The following GALNTL6 variants were observed in gnomAD, a reference collection of about 807,000 sequenced individuals.
The protein encoded by GALNTL6 is polypeptide N-acetylgalactosaminyltransferase-like 6.
Under a neutral mutation model 73.7 loss-of-function variants are expected in GALNTL6, and 46 were observed. The observed-to-expected ratio is 0.62, with a 90% CI of 0.49 to 0.80. The LOEUF is 0.80. Among genes scored for constraint, GALNTL6 ranks in the 30% least tolerant of loss-of-function variants. GALNTL6 has a pLI of 0.00. For synonymous variants in GALNTL6, 259 were observed against 263.7 expected (o/e 0.98, Z 0.17); for missense variants, 604 against 755.0 (o/e 0.80, Z 2.34).
intron 8 of GALNTL6, among the ~76,000 whole-genome samples, chr4:172,924,940 C>T (rs892614527): frequency 6.6e-6 from 1 of 152,226 alleles, no homozygotes; most frequent in Non-Finnish European, 1.5e-5. Flanking sequence ...GGCGCGATCT[C>T]GGCTCACTGC....
intron 2 of GALNTL6, among the ~76,000 whole-genome samples, chr4:171,967,275 T>C (rs557634415): frequency 6.6e-6 from 1 of 152,296 alleles, no homozygotes; most frequent in South Asian, 2.1e-4. Flanking sequence ...GTGTGCTTGT[T>C]TCATGTTTGG....
chr4:172,494,185 G>A (rs982328049), intron 5 of GALNTL6, among the ~76,000 whole-genome samples: 1 of 152,116 alleles, frequency 6.6e-6, no homozygotes, highest in Non-Finnish European at 1.5e-5. Context: ...CCTTATTTTT[G>A]TCAGGCACTG....
At chr4:171,929,177 C>T (rs1313964957) in intron 2 of GALNTL6, among the ~76,000 whole-genome samples, 2 of 152,092 alleles carry the variant, frequency 1.3e-5, no homozygotes, top group Non-Finnish European at 2.9e-5. Flanking sequence ...AGCCATCCTC[C>T]CATCTCAACC....
chr4:172,117,495 C>T (rs1306805465), intron 2 of GALNTL6, among the ~76,000 whole-genome samples: 1 of 152,136 alleles, frequency 6.6e-6, no homozygotes, highest in Non-Finnish European at 1.5e-5. Context: ...TGAGAAGTCT[C>T]AGGACATCTA....
At chr4:172,089,938 G>A (rs907228461) in intron 2 of GALNTL6, among the ~76,000 whole-genome samples, 8 of 152,222 alleles carry the variant, frequency 5.3e-5, no homozygotes, top group Middle Eastern at 3.4e-3. Context: ...ACTTATGAAC[G>A]AGAACATGAG....
intron 2 of GALNTL6, among the ~76,000 whole-genome samples, chr4:172,164,453 TA>T (rs931311231): frequency 6.6e-6 from 1 of 152,024 alleles, no homozygotes; most frequent in African/African-American, 2.4e-5. Flanking sequence ...ATCCAGAAAG[TA>T]AAAACCATCT....
intron 5 of GALNTL6, among the ~76,000 whole-genome samples, chr4:172,714,379 T>C (rs1213791710): frequency 6.6e-6 from 1 of 152,088 alleles, no homozygotes; most frequent in African/African-American, 2.4e-5. Flanking sequence ...ACTTAACTAT[T>C]GGCTCTTGAG....
Position 173,040,077 on chromosome 4 carries a change from T to C in GALNTL6, c.1783T>C (p.Phe595Leu). The C allele has an allele frequency of 6.2e-7, 1 of 1,612,588 alleles. No individual in the cohort carries two copies. The highest frequency in any genetic ancestry group is 1.7e-4 in the Middle Eastern group (1 of 6,034). Residue 595 changes from phenylalanine (F) to leucine (L), a missense_variant, in exon 13 of 13, where the codon TTT becomes CTT. By Grantham distance (22) the Phe-to-Leu change is conservative. Around this residue, in one of 5 missense-constraint regions of GALNTL6, gnomAD observed 261 missense variants for 296.5 expected, o/e 0.88. Coordinates refer to ENST00000506823, the MANE Select transcript of GALNTL6 (RefSeq NM_001034845.3). ...CATTAATATGACTGTTTTAGAAAAA[T>C]TTAACCACCATGCCAACTCCTAGAA... is the stretch of plus-strand genomic sequence containing the variant. ...EHINMTVLEK[F>L]NHHANS
At chr4:172,283,582 G>A (rs1053164141) in intron 3 of GALNTL6, among the ~76,000 whole-genome samples, 1 of 152,046 alleles carries the variant, frequency 6.6e-6, no homozygotes, top group African/African-American at 2.4e-5. Flanking sequence ...CTAGCACAAA[G>A]CAATGTATTA....
chr4:171,979,211 A>T (rs1415846658), intron 2 of GALNTL6, among the ~76,000 whole-genome samples: 1 of 152,228 alleles, frequency 6.6e-6, no homozygotes, highest in Non-Finnish European at 1.5e-5. Flanking sequence ...ACACAAAGGC[A>T]GTGTTTTTTA....
chr4:172,542,322 C>A (rs1735587895), intron 5 of GALNTL6, among the ~76,000 whole-genome samples: 1 of 152,096 alleles, frequency 6.6e-6, no homozygotes, highest in Non-Finnish European at 1.5e-5. Flanking sequence ...TCGCTGCCAT[C>A]TTCAAAATGT....
chr4:172,282,128 C>T (rs758512758), intron 3 of GALNTL6, among the ~76,000 whole-genome samples: 2 of 152,220 alleles, frequency 1.3e-5, no homozygotes, highest in South Asian at 2.1e-4. Context: ...TAACTAAATA[C>T]AACTGACACG....
At chr4:172,034,638 T>C (rs1741880262) in intron 2 of GALNTL6, among the ~76,000 whole-genome samples, 1 of 152,064 alleles carries the variant, frequency 6.6e-6, no homozygotes, top group African/African-American at 2.4e-5. Flanking sequence ...GCAAGCAAAA[T>C]GTTTCCAAGT....
intron 5 of GALNTL6, among the ~76,000 whole-genome samples, chr4:172,371,590 T>C (rs1742811172): frequency 6.6e-6 from 1 of 152,152 alleles, no homozygotes; most frequent in South Asian, 2.1e-4. Flanking sequence ...TCCCTCTTTG[T>C]CTCTTCCTCT....
intron 2 of GALNTL6, chr4:172,052,347 C>G (rs1730899263): frequency 2.4e-6 from 2 of 816,326 alleles, no homozygotes; most frequent in Non-Finnish European, 3.8e-6. Context: ...TAGAGATGGG[C>G]TTGAACACGC....
intron 2 of GALNTL6, among the ~76,000 whole-genome samples, chr4:171,971,245 C>A (rs1323269061): frequency 6.6e-6 from 1 of 152,188 alleles, no homozygotes; most frequent in Non-Finnish European, 1.5e-5. Flanking sequence ...CCACTCCCAA[C>A]CCTATTTCTA....
chr4:172,618,674 G>T (rs1285269085), intron 5 of GALNTL6, among the ~76,000 whole-genome samples: 2 of 152,022 alleles, frequency 1.3e-5, no homozygotes, highest in African/African-American at 4.8e-5. Flanking sequence ...ACCTAGAGAT[G>T]ATGTGTTTAT....
chr4:172,369,892 C>T (rs1430011834), intron 5 of GALNTL6, among the ~76,000 whole-genome samples: 2 of 152,212 alleles, frequency 1.3e-5, no homozygotes, highest in African/African-American at 4.8e-5. Flanking sequence ...TGGCTCCGGC[C>T]TCGGCCAACC....
At chr4:171,922,643 A>T (rs143153944) in intron 2 of GALNTL6, among the ~76,000 whole-genome samples, 2 of 152,174 alleles carry the variant, frequency 1.3e-5, no homozygotes, top group African/African-American at 4.8e-5. Context: ...ATATTGCGGA[A>T]TAATTTGAGG....
Sources: gnomAD v4.1 joint callset for allele counts (sites outside exome capture counted in the v4.1 genomes callset) on GRCh38, gnomAD v4.1.1 for gene constraint, gnomAD v4.1.1 regional missense constraint, MANE v1.5 for transcripts, NCBI Gene and HGNC (gene_info 2026-07-23, HGNC 2026-07-21) for gene names.